Variants in IL1RAPL2 observed in about 807,000 individuals in gnomAD.
IL1RAPL2 encodes the protein interleukin 1 receptor accessory protein like 2, also known as X-linked interleukin-1 receptor accessory protein-like 2.
A neutral mutation model predicts 44.1 loss-of-function variants in IL1RAPL2; 3 were observed. The observed-to-expected ratio is 0.07, with a 90% CI of 0.03 to 0.18. IL1RAPL2 has a LOEUF of 0.18. Among genes scored for constraint, IL1RAPL2 ranks in the 10% least tolerant of loss-of-function variants. The probability of loss-of-function intolerance (pLI) is 1.00; values close to 1 mark genes in which losing one functional copy is unlikely to be tolerated. For synonymous variants in IL1RAPL2, 181 were observed against 178.8 expected (o/e 1.01, Z -0.10); for missense variants, 391 against 496.4 (o/e 0.79, Z 2.02).
At chrX:105,031,648 G>T (rs937809335) in intron 2 of IL1RAPL2, among the ~76,000 whole-genome samples, 1 of 111,810 alleles carries the variant, frequency 8.9e-6, no homozygotes, top group African/African-American at 3.3e-5. Context: ...CGGATTGCCA[G>T]TATTTTATTG....
At chrX:105,131,393 C>CATATATA (rs1241419970) in intron 2 of IL1RAPL2, among the ~76,000 whole-genome samples, 5 of 109,931 alleles carry the variant, frequency 4.5e-5, no homozygotes, top group Non-Finnish European at 9.5e-5. Context: ...TAGAAACAGC[C>CATATATA]ATATATAATT....
At chrX:105,205,442 T>G (rs782102758) in intron 3 of IL1RAPL2, among the ~76,000 whole-genome samples, 29 of 105,609 alleles carry the variant, frequency 2.7e-4, no homozygotes, top group Admixed American at 7.3e-4. Context: ...CTACAAAAAT[T>G]AGCCAGGTGT....
intron 1 of IL1RAPL2, among the ~76,000 whole-genome samples, chrX:104,585,411 TA>T (rs1218474244): frequency 4.3e-5 from 2 of 46,432 alleles, no homozygotes; most frequent in Non-Finnish European, 7.0e-5. Context: ...AATATATATA[TA>T]ATATATATAT....
chrX:104,778,583 A>G (rs940524838), intron 2 of IL1RAPL2, among the ~76,000 whole-genome samples: 1 of 105,393 alleles, frequency 9.5e-6, no homozygotes, highest in Non-Finnish European at 1.9e-5. Context: ...ATATATATAT[A>G]AATATATATG....
chrX:105,657,102 A>G (rs1174936587), intron 6 of IL1RAPL2, among the ~76,000 whole-genome samples: 1 of 111,737 alleles, frequency 8.9e-6, no homozygotes, highest in Non-Finnish European at 1.9e-5. Flanking sequence ...ACTACTACAT[A>G]CACACGCATG....
chrX:104,879,593 G>T (rs544647911), intron 2 of IL1RAPL2, among the ~76,000 whole-genome samples: 1 of 111,290 alleles, frequency 9.0e-6, no homozygotes, highest in African/African-American at 3.3e-5. Flanking sequence ...TATTTCCTTT[G>T]CTGTAGTATA....
intron 2 of IL1RAPL2, among the ~76,000 whole-genome samples, chrX:104,905,410 T>C (rs1923958525): frequency 9.0e-6 from 1 of 111,651 alleles, no homozygotes; most frequent in Non-Finnish European, 1.9e-5. Context: ...ATGCCTAGGT[T>C]TTCTTCTAGG....
At chrX:105,056,878 G>T (rs2032000461) in intron 2 of IL1RAPL2, among the ~76,000 whole-genome samples, 2 of 111,192 alleles carry the variant, frequency 1.8e-5, no homozygotes, top group South Asian at 7.6e-4. Context: ...CCCCAAGCAA[G>T]CTAGTATCGG....
At chrX:105,247,647 G>A (rs957000304) in intron 4 of IL1RAPL2, among the ~76,000 whole-genome samples, 22 of 104,449 alleles carry the variant, frequency 2.1e-4, no homozygotes, top group Non-Finnish European at 4.1e-4. Flanking sequence ...GTGTGTGTCT[G>A]TATTTAAAAG....
Position 105,767,718 on chromosome X carries a change from C to A in IL1RAPL2, c.*57C>A. 1 of 885,769 alleles carries A rather than the reference C, an allele frequency of 1.1e-6. No individual in the cohort carries two copies. Among genetic ancestry groups the A allele is most frequent in the Non-Finnish European group, 1.6e-6 (1 of 617,056 alleles). 73.0% of individuals were successfully genotyped at this position (885,769 alleles called of 1,213,427 possible). Reference sequence around the variant, plus strand: ...TAAGCATAGAGAATTTCTGTTATACCAAGCATAAAGTACACCTAATAACGT... The same window carrying A: ...TAAGCATAGAGAATTTCTGTTATACAAAGCATAAAGTACACCTAATAACGT... On this transcript the variant is annotated 3_prime_UTR_variant, in exon 11 of 11. Transcript: ENST00000372582.
chrX:105,220,302 G>A (rs782166550), intron 3 of IL1RAPL2: 76 of 1,208,499 alleles, frequency 6.3e-5, no homozygotes, highest in Non-Finnish European at 6.9e-5. Context: ...GATAGAACTC[G>A]GGGCCTTTCG....
intron 2 of IL1RAPL2, among the ~76,000 whole-genome samples, chrX:105,170,202 TATC>T (rs2033411597): frequency 9.0e-6 from 1 of 110,968 alleles, no homozygotes; most frequent in Non-Finnish European, 1.9e-5. Flanking sequence ...AGTGGGCAAA[TATC>T]ATGATAATAG....
intron 6 of IL1RAPL2, among the ~76,000 whole-genome samples, chrX:105,658,685 G>A (rs2037694098): frequency 9.1e-6 from 1 of 109,415 alleles, no homozygotes; most frequent in Non-Finnish European, 1.9e-5. Flanking sequence ...AATTGCCGAG[G>A]TGTGGTGCCT....
chrX:105,236,993 C>G (rs2034125427), intron 4 of IL1RAPL2, among the ~76,000 whole-genome samples: 1 of 110,899 alleles, frequency 9.0e-6, no homozygotes, highest in Non-Finnish European at 1.9e-5. Flanking sequence ...TATCCCTCCC[C>G]CATCCCCCCA....
At chrX:105,042,448 A>C (rs1404814081) in intron 2 of IL1RAPL2, among the ~76,000 whole-genome samples, 5 of 109,653 alleles carry the variant, frequency 4.6e-5, no homozygotes, top group Admixed American at 9.8e-5. Flanking sequence ...AAAAGAAGAC[A>C]TTTATGCAGC....
rs772284222 is a variant in IL1RAPL2, at chrX:104,844,648, TA to T, written c.82+185655del. ...AAAACAAAAACACAAAAACATCTCA[TA>T]ATGTTTTAAGAGAGTTTATGAATTT... On this transcript the variant is annotated intron_variant, in intron 2 of 10. Transcript: ENST00000372582. 2.7e-5 allele frequency among the ~76,000 whole-genome samples: 3 copies of T among 111,943 alleles called. No individual in the cohort carries two copies. The Admixed American group carries it at 2.9e-4, about 11-fold the overall frequency.
intron 1 of IL1RAPL2, among the ~76,000 whole-genome samples, chrX:104,608,202 G>A (rs1393132033): frequency 9.1e-6 from 1 of 110,378 alleles, no homozygotes; most frequent in Non-Finnish European, 1.9e-5. Context: ...ACACGTGGAG[G>A]GGAACATCAC....
chrX:104,601,251 T>C (rs1394613127), intron 1 of IL1RAPL2, among the ~76,000 whole-genome samples: 1 of 110,361 alleles, frequency 9.1e-6, no homozygotes, highest in African/African-American at 3.3e-5. Flanking sequence ...TTACATTAGG[T>C]ATATCTCCTA....
chrX:105,403,258 G>A (rs945811887), intron 5 of IL1RAPL2, among the ~76,000 whole-genome samples: 7 of 111,518 alleles, frequency 6.3e-5, no homozygotes, highest in Admixed American at 9.6e-5. Flanking sequence ...TGAAACAGGT[G>A]GAAGATACAT....
Sources: gnomAD v4.1 joint callset for allele counts (sites outside exome capture counted in the v4.1 genomes callset) on GRCh38, gnomAD v4.1.1 for gene constraint, MANE v1.5 for transcripts, NCBI Gene and HGNC (gene_info 2026-07-23, HGNC 2026-07-21) for gene names.